Variants in BMP2K observed in about 807,000 individuals in gnomAD.
The protein encoded by BMP2K is BMP-2-inducible protein kinase.
In BMP2K, 74 loss-of-function variants were observed where a neutral mutation model predicts 116.0. The ratio of observed to expected loss-of-function variants is 0.64; its 90% CI spans 0.53 to 0.77. The LOEUF (loss-of-function observed/expected upper bound fraction) is 0.77, where lower values mean the gene tolerates loss of function less well. Ranked by LOEUF, BMP2K falls within the 30% of genes least tolerant of loss-of-function variation. The pLI, the probability that BMP2K is intolerant of heterozygous loss-of-function variation, is 0.00. For synonymous variants in BMP2K, 486 were observed against 502.5 expected, an observed-to-expected ratio of 0.97 and a Z score of 0.44; for missense variants, 1,365 against 1,403.6, an observed-to-expected ratio of 0.97 and a Z score of 0.44.
intron 15 of BMP2K, among the ~76,000 whole-genome samples, chr4:78,893,636 C>CA (rs1474199713): frequency 6.6e-6 from 1 of 152,186 alleles, no homozygotes; most frequent in Non-Finnish European, 1.5e-5. Context: ...GGTCATAACT[C>CA]ACTATGGCCT....
At position 78,816,201 on chromosome 4, in the gene BMP2K, G is replaced by C. The variant is rs556356979; in HGVS notation, c.179-9836G>C. On this transcript the variant is annotated intron_variant, in intron 1 of 15. Transcript: ENST00000502613. ...AACCTTAAGGTTTTTTCAGGCTAAA[G>C]GTTTTTTGGCAAGGGTACTTCATAG... 1.5e-4 allele frequency among the ~76,000 whole-genome samples: 23 copies of C among 152,134 alleles called. No individual in the cohort carries two copies. The South Asian group carries it at 4.4e-3, about 29-fold the overall frequency.
chr4:78,871,174 C>CA, intron 11 of BMP2K, 114 bp downstream of exon 11: 2 of 1,490,590 alleles, frequency 1.3e-6, no homozygotes, highest in Admixed American at 2.1e-5. Flanking sequence ...TTTGAGTAAA[C>CA]ACTTTCCCCA....
intron 13 of BMP2K, 54 bp downstream of exon 13, chr4:78,872,852 C>A (rs770839404): frequency 1.3e-6 from 2 of 1,533,080 alleles, no homozygotes; most frequent in South Asian, 1.1e-5. Flanking sequence ...TGGAAGTCAT[C>A]GTTGAATGGT....
In BMP2K at chr4:78,859,700, T is replaced by C. The variant is rs1171082402; in HGVS notation, c.987+13T>C. 7 of 1,489,882 alleles carry C rather than the reference T, an allele frequency of 4.7e-6. No individual in the cohort carries two copies. Among genetic ancestry groups the C allele is most frequent in the Non-Finnish European group, 6.5e-6 (7 of 1,074,558 alleles). 92.3% of individuals were successfully genotyped at this position (1,489,882 alleles called of 1,614,324 possible). A position where few individuals can be genotyped will look rare whatever the true frequency, so the allele number is the denominator to read the frequency against. The stretch of plus-strand genomic sequence containing the variant: ...CTCCAACATCAATGTAAGTAGATTT[T>C]CAAGTAGGATATGAATTTAAAATTC... On this transcript the variant is annotated intron_variant, in intron 8 of 15. Coordinates refer to ENST00000502613, the MANE Select transcript of BMP2K (RefSeq NM_198892.2).
In BMP2K at chr4:78,889,200, G is replaced by A. The variant is rs376202178; in HGVS notation, c.2062+1916G>A. 8.7e-5 allele frequency among the ~76,000 whole-genome samples: 11 copies of A among 126,298 alleles called. No individual in the cohort carries two copies. In the East Asian group the frequency reaches 1.9e-3, roughly 22 times the overall value. The allele number at this position is 126,298 out of a possible 152,430, so 82.9% of individuals were successfully genotyped here. On this transcript the variant is annotated intron_variant, in intron 15 of 15. Coordinates refer to ENST00000502613, the MANE Select transcript of BMP2K (RefSeq NM_198892.2). ...CGTGCCAGTGCACTCCAACCTGGGC[G>A]ATAGAGTGAGACTCTGTCTCAAAAA... is the stretch of plus-strand genomic sequence containing the variant.
intron 15 of BMP2K, among the ~76,000 whole-genome samples, chr4:78,896,178 C>T (rs1004689740): frequency 6.6e-6 from 1 of 152,158 alleles, no homozygotes; most frequent in Non-Finnish European, 1.5e-5. Flanking sequence ...ATTTTTCTCA[C>T]AACTAATAAT....
intron 11 of BMP2K, 29 bp from the exon 12 acceptor site, chr4:78,871,821 C>A: frequency 3.3e-6 from 5 of 1,511,712 alleles, no homozygotes; most frequent in Non-Finnish European, 4.6e-6. Context: ...AAAGGCATAA[C>A]ATTTATTAAT....
At chr4:78,909,191 A>C (rs575461533) in intron 15 of BMP2K, among the ~76,000 whole-genome samples, 2 of 151,240 alleles carry the variant, frequency 1.3e-5, no homozygotes, top group Non-Finnish European at 3.0e-5. Context: ...GCACCTGCCA[A>C]CATGCCTGGC....
In BMP2K at chr4:78,871,298, A is replaced by G. The variant is rs75889584; in HGVS notation, c.1509+238A>G. On this transcript the variant is annotated intron_variant, in intron 11 of 15. Coordinates refer to ENST00000502613, the MANE Select transcript of BMP2K (RefSeq NM_198892.2). ...GAAGAAAAGAATGTTCATCTGAAAC[A>G]TTTAGTATTCACAAATAAGCACTGC... is the stretch of plus-strand genomic sequence containing the variant. 8.9e-3 allele frequency among the ~76,000 whole-genome samples: 1,349 copies of G among 152,382 alleles called. 12 individuals are homozygous for G. The highest frequency in any genetic ancestry group is 0.013 in the Non-Finnish European group (885 of 68,042).
intron 1 of BMP2K, among the ~76,000 whole-genome samples, chr4:78,813,265 T>G (rs1729172451): frequency 6.6e-6 from 1 of 152,208 alleles, no homozygotes; most frequent in Admixed American, 6.5e-5. Flanking sequence ...CATTTCTCAC[T>G]AATTCCCACT....
chr4:78,780,752 ATTC>A (rs1316221823), intron 1 of BMP2K, among the ~76,000 whole-genome samples: 1 of 152,226 alleles, frequency 6.6e-6, no homozygotes, highest in Non-Finnish European at 1.5e-5. Flanking sequence ...TAGTGGAGGT[ATTC>A]TTCTGGCCTA....
At position 78,808,926 on chromosome 4, in the gene BMP2K, C is replaced by T. The variant is rs145515759; in HGVS notation, c.179-17111C>T. 3.6e-4 allele frequency among the ~76,000 whole-genome samples: 55 copies of T among 152,218 alleles called. 1 individual carries two copies. The Middle Eastern group carries it at 0.01, about 28-fold the overall frequency. On this transcript the variant is annotated intron_variant, in intron 1 of 15. Coordinates refer to ENST00000502613, the MANE Select transcript of BMP2K (RefSeq NM_198892.2). ...GTGGACTTGATAAATGTGCATTTTG[C>T]TGTTGTTGAGGGGAATGTTCTATAA...
intron 15 of BMP2K, among the ~76,000 whole-genome samples, chr4:78,893,100 C>T (rs1733527760): frequency 6.6e-6 from 1 of 152,120 alleles, no homozygotes; most frequent in Non-Finnish European, 1.5e-5. Flanking sequence ...GAGTTAATTC[C>T]CTCAAACCAT....
At chr4:78,806,589 A>T (rs1217569100) in intron 1 of BMP2K, among the ~76,000 whole-genome samples, 3 of 152,168 alleles carry the variant, frequency 2.0e-5, no homozygotes, top group Non-Finnish European at 2.9e-5. Context: ...CTTCTCCACA[A>T]TATTGAATAG....
At chr4:78,870,645 A>C (rs1732282873) in intron 10 of BMP2K, 138 bp from the exon 11 acceptor site, 3 of 1,144,998 alleles carry the variant, frequency 2.6e-6, no homozygotes, top group Non-Finnish European at 3.6e-6. Context: ...TATAAACTCT[A>C]TGCATATGGA....
At chr4:78,888,245 T>C (rs997005254) in intron 15 of BMP2K, 2 of 152,224 alleles carry the variant, frequency 1.3e-5, no homozygotes, top group African/African-American at 4.8e-5. Context: ...TGTTTTCTGT[T>C]TGCTGCTTTC....
chr4:78,822,912 C>T (rs3775516), intron 1 of BMP2K, among the ~76,000 whole-genome samples: 10,707 of 152,008 alleles, frequency 0.07, 493 homozygotes, highest in East Asian at 0.22. Context: ...AGTATTACAC[C>T]CCTCTCTTGG....
At chr4:78,864,455 T>C (rs1342735958) in intron 9 of BMP2K, among the ~76,000 whole-genome samples, 1 of 151,878 alleles carries the variant, frequency 6.6e-6, no homozygotes, top group African/African-American at 2.4e-5. Flanking sequence ...GCCTATTAGT[T>C]AAATTTTCAT....
At chr4:78,847,140 T>TTA (rs146999088) in intron 5 of BMP2K, 48 bp from the exon 6 acceptor site, 9,921 of 931,870 alleles carry the variant, frequency 0.011, 1 homozygote, top group South Asian at 0.013. Context: ...TGTCTTTTTT[T>TTA]TATATATATA....
Sources: gnomAD v4.1 joint callset for allele counts (sites outside exome capture counted in the v4.1 genomes callset) on GRCh38, gnomAD v4.1.1 for gene constraint, MANE v1.5 for transcripts, NCBI Gene and HGNC (gene_info 2026-07-23, HGNC 2026-07-21) for gene names.